CYTH3: variants seen among roughly 807,000 people sequenced by gnomAD.
The protein encoded by CYTH3 is cytohesin 3, also known as cytohesin-3.
In CYTH3, 23 loss-of-function variants were observed where a neutral mutation model predicts 55.1. The ratio of observed to expected loss-of-function variants is 0.42; its 90% CI spans 0.30 to 0.59. The LOEUF (loss-of-function observed/expected upper bound fraction) is 0.59. CYTH3 is among the 20% of genes least tolerant of loss of function. CYTH3 has a pLI of 0.20. For missense variants in CYTH3, 413 were observed against 524.8 expected (o/e 0.79, Z 2.08); for synonymous variants, 249 against 194.9 (o/e 1.28, Z -2.31).
chr7:6,203,400 C>T (rs938666441), intron 1 of CYTH3, among the ~76,000 whole-genome samples: 12 of 152,222 alleles, frequency 7.9e-5, no homozygotes, highest in Admixed American at 5.9e-4. Flanking sequence ...TACTCCTTAA[C>T]GTTTCATGCA....
intron 1 of CYTH3, among the ~76,000 whole-genome samples, chr7:6,204,216 G>C (rs1784132843): frequency 1.3e-5 from 2 of 152,096 alleles, no homozygotes; most frequent in African/African-American, 4.8e-5. Context: ...AAACTCAGTG[G>C]GATCATGGCA....
chr7:6,210,981 A>G (rs1052884578), intron 1 of CYTH3, among the ~76,000 whole-genome samples: 4 of 152,208 alleles, frequency 2.6e-5, no homozygotes, highest in African/African-American at 9.7e-5. Context: ...TTTTTTCTCA[A>G]TTTCCTTTCC....
At chr7:6,204,479 T>C (rs1784139957) in intron 1 of CYTH3, among the ~76,000 whole-genome samples, 1 of 152,200 alleles carries the variant, frequency 6.6e-6, no homozygotes. Context: ...GCTGCTCAGC[T>C]GGCCCACAAA....
intron 1 of CYTH3, among the ~76,000 whole-genome samples, chr7:6,268,245 G>A (rs1171837215): frequency 1.3e-5 from 2 of 152,078 alleles, no homozygotes; most frequent in Non-Finnish European, 2.9e-5. Flanking sequence ...CTCACTCACC[G>A]CAACCTGCAC....
Position 6,191,833 on chromosome 7 carries a change from T to C in CYTH3, c.35-1302A>G, listed in dbSNP as rs182168788. ...TGGCTCATGCCTGTATCCAAGCACT[T>C]TGGGAGGCCAAGGTGGGAGGATCAC... On this transcript the variant is annotated intron_variant, in intron 1 of 12. Transcript: ENST00000350796. Among the ~76,000 whole-genome samples the C allele has an allele frequency of 5.8e-3, 856 of 148,362 alleles. 6 individuals carry two copies. The highest frequency in any genetic ancestry group is 0.022 in the African/African-American group (818 of 37,962).
At chr7:6,186,645 C>G (rs933339786) in intron 4 of CYTH3, among the ~76,000 whole-genome samples, 3 of 152,250 alleles carry the variant, frequency 2.0e-5, no homozygotes, top group African/African-American at 4.8e-5. Flanking sequence ...TCCGTAACCT[C>G]TGGACACCAG....
At chr7:6,165,933 G>T in intron 9 of CYTH3, 123 bp from the exon 10 acceptor site, 1 of 931,350 alleles carries the variant, frequency 1.1e-6, no homozygotes, top group Non-Finnish European at 1.6e-6. Context: ...GCCAGGCTTG[G>T]GTTCAGGTGT....
chr7:6,241,440 G>A (rs1779670470), intron 1 of CYTH3, among the ~76,000 whole-genome samples: 1 of 152,232 alleles, frequency 6.6e-6, no homozygotes, highest in Non-Finnish European at 1.5e-5. Flanking sequence ...AAACTGTGGG[G>A]AACCAGGCAA....
chr7:6,255,911 C>A (rs984767389), intron 1 of CYTH3, among the ~76,000 whole-genome samples: 42 of 151,720 alleles, frequency 2.8e-4, no homozygotes, highest in African/African-American at 9.9e-4. Context: ...CTACAGGTGC[C>A]CGCCACTACG....
chr7:6,165,863 G>A (rs2128535518), intron 9 of CYTH3, 53 bp from the exon 10 acceptor site: 1 of 1,572,478 alleles, frequency 6.4e-7, no homozygotes, highest in South Asian at 1.1e-5. Flanking sequence ...GGAGCCCGCG[G>A]GTCCAAGAGG....
intron 1 of CYTH3, among the ~76,000 whole-genome samples, chr7:6,226,581 C>T (rs1779257096): frequency 6.6e-6 from 1 of 152,200 alleles, no homozygotes; most frequent in Non-Finnish European, 1.5e-5. Flanking sequence ...CACTCCATGG[C>T]TAATGCCCTG....
At chr7:6,270,918 C>T (rs566783471) in intron 1 of CYTH3, among the ~76,000 whole-genome samples, 1 of 152,298 alleles carries the variant, frequency 6.6e-6, no homozygotes, top group African/African-American at 2.4e-5. Flanking sequence ...TCTTTACTCA[C>T]AGAGCCCAAA....
chr7:6,243,708 C>G (rs1463194625), intron 1 of CYTH3, among the ~76,000 whole-genome samples: 1 of 152,126 alleles, frequency 6.6e-6, no homozygotes, highest in Non-Finnish European at 1.5e-5. Flanking sequence ...TCCTTCCGGC[C>G]CTATATCAAC....
At chr7:6,228,286 A>G (rs1779302297) in intron 1 of CYTH3, among the ~76,000 whole-genome samples, 1 of 152,150 alleles carries the variant, frequency 6.6e-6, no homozygotes, top group Non-Finnish European at 1.5e-5. Context: ...GCTTAGAGGG[A>G]CCTTTTCCAT....
At chr7:6,218,447 T>C (rs1175802821) in intron 1 of CYTH3, among the ~76,000 whole-genome samples, 1 of 152,182 alleles carries the variant, frequency 6.6e-6, no homozygotes, top group Non-Finnish European at 1.5e-5. Context: ...ACACCTTCAT[T>C]TTGGCCCAGT....
chr7:6,228,235 A>AT (rs1203183912), intron 1 of CYTH3, among the ~76,000 whole-genome samples: 1 of 143,872 alleles, frequency 7.0e-6, no homozygotes, highest in Non-Finnish European at 1.5e-5. Context: ...GAATGATCAT[A>AT]TAAGTACAGC....
chr7:6,243,907 T>C (rs986805913), intron 1 of CYTH3, among the ~76,000 whole-genome samples: 3 of 152,226 alleles, frequency 2.0e-5, no homozygotes, highest in African/African-American at 7.2e-5. Context: ...AAAGATTTCA[T>C]TGTCATTGTT....
chr7:6,232,698 G>C (rs1180352082), intron 1 of CYTH3, among the ~76,000 whole-genome samples: 1 of 152,192 alleles, frequency 6.6e-6, no homozygotes, highest in Non-Finnish European at 1.5e-5. Flanking sequence ...AGACTGTGTG[G>C]TCTCGGCTGC....
intron 1 of CYTH3, among the ~76,000 whole-genome samples, chr7:6,263,458 C>T (rs571797766): frequency 1.4e-4 from 21 of 152,274 alleles, no homozygotes; most frequent in African/African-American, 4.6e-4. Context: ...GGGAGCTCAC[C>T]TCAGTACCGT....
Sources: gnomAD v4.1 joint callset for allele counts (sites outside exome capture counted in the v4.1 genomes callset) on GRCh38, gnomAD v4.1.1 for gene constraint, MANE v1.5 for transcripts, NCBI Gene and HGNC (gene_info 2026-07-23, HGNC 2026-07-21) for gene names.